PLCG2: variants seen among roughly 807,000 people sequenced by gnomAD.
The protein encoded by PLCG2 is 1-phosphatidylinositol 4,5-bisphosphate phosphodiesterase gamma-2.
PLCG2 carries 69 observed loss-of-function variants against 175.6 expected under a neutral mutation model. The observed-to-expected ratio is 0.39, with a 90% CI of 0.32 to 0.48. The LOEUF is 0.48. PLCG2 is among the 20% of genes least tolerant of loss of function. The pLI, the probability that PLCG2 is intolerant of heterozygous loss-of-function variation, is 0.91. For missense variants in PLCG2, 1,798 were observed against 1,650.9 expected (o/e 1.09, Z -1.54); for synonymous variants, 827 against 624.0 (o/e 1.33, Z -4.85).
intron 2 of PLCG2, among the ~76,000 whole-genome samples, chr16:81,760,748 T>TTA (rs1447939537): frequency 1.1e-5 from 1 of 87,888 alleles, no homozygotes; most frequent in South Asian, 4.0e-4. Flanking sequence ...CCGTCTCTAT[T>TTA]AAAAAAAAAA....
chr16:81,921,429 T>C (rs908435852), intron 21 of PLCG2, 160 bp downstream of exon 21: 1 of 678,434 alleles, frequency 1.5e-6, no homozygotes, highest in East Asian at 2.8e-5. Context: ...TGATTGATAA[T>C]ATCAAGCCTA....
At chr16:81,775,245 C>T (rs539954380), upstream of PLCG2, among the ~76,000 whole-genome samples, 29 of 152,294 alleles carry the variant, frequency 1.9e-4, no homozygotes, top group African/African-American at 6.7e-4. Flanking sequence ...GGCCCGCTCT[C>T]TGCTTTCCTG....
chr16:81,945,614 GC>G (rs1162408057), intron 30 of PLCG2, among the ~76,000 whole-genome samples: 2 of 152,134 alleles, frequency 1.3e-5, no homozygotes, highest in Non-Finnish European at 2.9e-5. Flanking sequence ...GCCCCCCTCA[GC>G]CCCAAATAAA....
At position 81,786,022 on chromosome 16, in the gene PLCG2, G is replaced by A. The variant is rs1333482988; in HGVS notation, c.33G>A (p.Ala11=). 5.6e-6 allele frequency: 9 copies of A among 1,614,170 alleles called. No individual in the cohort carries two copies. The highest frequency in any genetic ancestry group is 1.7e-5 in the Admixed American group (1 of 60,026). ...CCACGGTCAATGTAGATTCCCTTGC[G>A]GAATATGAGAAGAGCCAGATCAAGA... is the stretch of plus-strand genomic sequence containing the variant. MSTTVNVDSL[A]EYEKSQIKRA... is the part of the protein sequence containing the mutation. Residue 11 remains alanine (A), a synonymous_variant, in exon 2 of 33, where the codon GCG becomes GCA. Transcript: ENST00000564138.
At chr16:81,869,067 G>C in intron 5 of PLCG2, 147 bp from the exon 6 acceptor site, 1 of 679,026 alleles carries the variant, frequency 1.5e-6, no homozygotes, top group Non-Finnish European at 2.7e-6. Context: ...TTGACTCAAT[G>C]TCTTGTTCCC....
upstream of PLCG2, among the ~76,000 whole-genome samples, chr16:81,775,467 T>C (rs1001564250): frequency 6.6e-6 from 1 of 152,244 alleles, no homozygotes; most frequent in Non-Finnish European, 1.5e-5. Context: ...TTCTTCCCAG[T>C]AACAATTCCT....
chr16:81,801,879 C>T (rs1911735679), intron 2 of PLCG2, among the ~76,000 whole-genome samples: 1 of 152,018 alleles, frequency 6.6e-6, no homozygotes, highest in South Asian at 2.1e-4. Context: ...CGGGGTTTCA[C>T]TATGTTGGTC....
At chr16:81,805,232 G>C (rs1351198111) in intron 2 of PLCG2, among the ~76,000 whole-genome samples, 1 of 152,172 alleles carries the variant, frequency 6.6e-6, no homozygotes, top group Non-Finnish European at 1.5e-5. Context: ...AGGCTCGGTA[G>C]CTCATGCCTG....
At chr16:81,951,911 AT>A (rs1294044490) in intron 31 of PLCG2, among the ~76,000 whole-genome samples, 7 of 152,184 alleles carry the variant, frequency 4.6e-5, no homozygotes, top group Admixed American at 2.0e-4. Flanking sequence ...AACTGTACAA[AT>A]TCTGATTGTA....
rs1910705432 is a variant in PLCG2, at chr16:81,936,234, A to C, written c.2908A>C (p.Lys970Gln). The change falls in exon 27 of 33, where the codon AAG becomes CAG. Residue 970 changes from lysine to glutamine, a missense_variant. Coordinates refer to ENST00000564138, the MANE Select transcript of PLCG2 (RefSeq NM_002661.5). Reference protein sequence around the residue: ...ETKADSIIRQKPVDLLKYNQK... With the variant: ...ETKADSIIRQQPVDLLKYNQK... ...GAAGGCTGACAGCATCATCAGACAG[A>C]AGCCCGTCGACCTCCTGAAGTACAA... 6.2e-7 allele frequency: 1 copy of C among 1,614,076 alleles called. No homozygotes were observed. The highest frequency in any genetic ancestry group is 1.3e-5 in the African/African-American group (1 of 74,918).
intron 2 of PLCG2, among the ~76,000 whole-genome samples, chr16:81,787,859 C>T (rs1299689006): frequency 6.6e-6 from 1 of 152,082 alleles, no homozygotes; most frequent in Non-Finnish European, 1.5e-5. Context: ...TTCTTTGACT[C>T]AGCATTTTTC....
chr16:81,908,295 C>G, intron 16 of PLCG2, 121 bp from the exon 17 acceptor site: 2 of 871,548 alleles, frequency 2.3e-6, no homozygotes, highest in Non-Finnish European at 3.6e-6. Context: ...TGGGGACCAG[C>G]TGAGGCTGGC....
chr16:81,814,192 G>A (rs534322372), intron 2 of PLCG2, among the ~76,000 whole-genome samples: 1 of 152,216 alleles, frequency 6.6e-6, no homozygotes. Flanking sequence ...GAGGGGAATG[G>A]TACCGGGTCT....
At chr16:81,892,425 GC>G (rs1236803335) in intron 11 of PLCG2, among the ~76,000 whole-genome samples, 1 of 152,128 alleles carries the variant, frequency 6.6e-6, no homozygotes, top group Admixed American at 6.5e-5. Context: ...TTGGGTGATG[GC>G]CCCCACAGCT....
At position 81,859,139 on chromosome 16, in the gene PLCG2, C is replaced by A; in HGVS notation, c.455C>A (p.Ser152Tyr). The A allele has an allele frequency of 6.3e-7, 1 of 1,597,120 alleles. No homozygotes were observed. The highest frequency in any genetic ancestry group is 1.1e-5 in the South Asian group (1 of 90,676). Residue 152 changes from serine to tyrosine, a missense_variant, in exon 5 of 33, where the codon TCT becomes TAT. Ser to Tyr is a moderately radical substitution (Grantham distance 144, BLOSUM62 -2). Coordinates refer to ENST00000564138, the MANE Select transcript of PLCG2 (RefSeq NM_002661.5). ...AGTTGGCTGAGAAAGCAGATATATT[C>A]TGTGGATCAAACCAGAAGAAACAGG... ...IESWLRKQIY[S>Y]VDQTRRNSIS... is the part of the protein sequence containing the mutation.
chr16:81,753,663 C>T (rs1432584048), intron 1 of PLCG2, among the ~76,000 whole-genome samples: 1 of 152,168 alleles, frequency 6.6e-6, no homozygotes, highest in Non-Finnish European at 1.5e-5. Flanking sequence ...CCTGCCTTGG[C>T]CTCCCAAAGT....
intron 11 of PLCG2, among the ~76,000 whole-genome samples, chr16:81,892,882 C>G (rs1306358398): frequency 6.7e-6 from 1 of 148,648 alleles, no homozygotes; most frequent in South Asian, 2.1e-4. Context: ...GAGTCTCACT[C>G]TGTTGCCCAG....
rs758980632 is a variant in PLCG2 at position 81,939,861 on chromosome 16, T to C, written c.3314-31T>C. On this transcript the variant is annotated intron_variant, in intron 29 of 32. Transcript: ENST00000564138. ...TTACCAGAAGGGGGCAGCTCCAATG[T>C]GGCCTCTCATGAGCTTTGATCTCCT... 9 of 1,527,496 alleles carry C rather than the reference T, an allele frequency of 5.9e-6. No homozygotes were observed. The Admixed American group carries it at 1.2e-4, about 20-fold the overall frequency. 94.6% of individuals were successfully genotyped at this position (1,527,496 alleles called of 1,614,324 possible). A position where few individuals can be genotyped will look rare whatever the true frequency, so the allele number is the denominator to read the frequency against.
intron 1 of PLCG2, among the ~76,000 whole-genome samples, chr16:81,748,801 C>T (rs1368130732): frequency 6.6e-6 from 1 of 152,174 alleles, no homozygotes; most frequent in African/African-American, 2.4e-5. Flanking sequence ...ACATCTTATC[C>T]TCATTACAAC....
Sources: gnomAD v4.1 joint callset for allele counts (sites outside exome capture counted in the v4.1 genomes callset) on GRCh38, gnomAD v4.1.1 for gene constraint, MANE v1.5 for transcripts, NCBI Gene and HGNC (gene_info 2026-07-23, HGNC 2026-07-21) for gene names.